NELL1: variants seen among roughly 807,000 people sequenced by gnomAD.
The protein encoded by NELL1 is neural EGFL like 1.
A neutral mutation model predicts 107.4 loss-of-function variants in NELL1; 76 were observed. The observed-to-expected ratio is 0.71, with a 90% confidence interval of 0.59 to 0.86. NELL1 has a LOEUF of 0.86. Among genes scored for constraint, NELL1 ranks in the 40% least tolerant of loss-of-function variants. The pLI, the probability that NELL1 is intolerant of heterozygous loss-of-function variation, is 0.00. For missense variants in NELL1, 1,024 were observed against 1,005.5 expected, an observed-to-expected ratio of 1.02 and a Z score of -0.25; for synonymous variants, 353 against 341.2, an observed-to-expected ratio of 1.03 and a Z score of -0.38.
chr11:21,523,835 T>C (rs1199780955), intron 15 of NELL1, among the ~76,000 whole-genome samples: 1 of 152,124 alleles, frequency 6.6e-6, no homozygotes, highest in Non-Finnish European at 1.5e-5. Context: ...CTCTTGGGGA[T>C]CACTTTCTTA....
intron 4 of NELL1, among the ~76,000 whole-genome samples, chr11:20,869,431 T>TAATGA (rs1193176934): frequency 2.6e-5 from 4 of 152,204 alleles, no homozygotes; most frequent in Non-Finnish European, 1.5e-5. Context: ...AACCTAGTAT[T>TAATGA]CAAAGTGCTG....
At position 20,852,620 on chromosome 11, in the gene NELL1, T is replaced by C. The variant is rs146326980; in HGVS notation, c.506+4867T>C. Among the ~76,000 whole-genome samples the C allele has an allele frequency of 9.7e-4, 147 of 152,312 alleles. 1 individual carries two copies. Among genetic ancestry groups the C allele is most frequent in the Middle Eastern group, 6.8e-3 (2 of 294 alleles). On this transcript the variant is annotated intron_variant, in intron 4 of 19. Coordinates refer to ENST00000357134, the MANE Select transcript of NELL1 (RefSeq NM_006157.5). The stretch of plus-strand genomic sequence containing the variant: ...TTATACAAGCATATCTGCTGTAGTA[T>C]GCGGAGGGAAATTAAGAGATGACTA...
At chr11:20,870,978 A>G (rs1372926752) in intron 4 of NELL1, among the ~76,000 whole-genome samples, 1 of 152,364 alleles carries the variant, frequency 6.6e-6, no homozygotes, top group East Asian at 1.9e-4. Context: ...AAACATTATT[A>G]AAAAACAATC....
At chr11:20,846,026 C>G (rs1470588621) in intron 3 of NELL1, among the ~76,000 whole-genome samples, 1 of 152,152 alleles carries the variant, frequency 6.6e-6, no homozygotes, top group African/African-American at 2.4e-5. Flanking sequence ...GGAGAATTCC[C>G]TTAAAATAAA....
intron 2 of NELL1, among the ~76,000 whole-genome samples, chr11:20,776,838 C>T (rs1376228496): frequency 6.6e-6 from 1 of 152,132 alleles, no homozygotes; most frequent in East Asian, 1.9e-4. Flanking sequence ...ATATCACAGT[C>T]GACTCTGCTG....
chr11:21,374,607 T>TA (rs775060024), intron 15 of NELL1, among the ~76,000 whole-genome samples: 35 of 151,978 alleles, frequency 2.3e-4, no homozygotes, highest in East Asian at 3.9e-4. Context: ...CACCACCTCT[T>TA]AAAAAAACGA....
At chr11:20,880,426 A>C (rs892014744) in intron 4 of NELL1, among the ~76,000 whole-genome samples, 5 of 152,254 alleles carry the variant, frequency 3.3e-5, no homozygotes, top group Non-Finnish European at 5.9e-5. Context: ...TACAGTTAAC[A>C]GTAATATCCT....
At chr11:21,524,390 G>T (rs1356022524) in intron 15 of NELL1, among the ~76,000 whole-genome samples, 1 of 152,096 alleles carries the variant, frequency 6.6e-6, no homozygotes, top group Admixed American at 6.5e-5. Flanking sequence ...TAGAGAAACT[G>T]TAAGAATCGT....
chr11:21,143,042 A>G (rs951005651), intron 13 of NELL1, among the ~76,000 whole-genome samples: 1 of 152,198 alleles, frequency 6.6e-6, no homozygotes, highest in African/African-American at 2.4e-5. Context: ...GGGCAACCCA[A>G]GTGGGATGTA....
In NELL1 at chr11:20,817,359, A is replaced by G. The variant is rs917208759; in HGVS notation, c.336-30224A>G. On this transcript the variant is annotated intron_variant, in intron 3 of 19. Transcript: ENST00000357134. ...AGGATTTCAATTTCTTCCTAATTCAATCCTGGGAAGTTGTGTGTATCCAGG... is the reference window on the plus strand; with the variant it reads ...AGGATTTCAATTTCTTCCTAATTCAGTCCTGGGAAGTTGTGTGTATCCAGG... Among the ~76,000 whole-genome samples, 12 of 152,056 alleles carry G rather than the reference A, an allele frequency of 7.9e-5. No individual in the cohort carries two copies. In the East Asian group the frequency reaches 1.4e-3, roughly 17 times the overall value.
At chr11:20,784,082 A>G (rs1373291399) in intron 3 of NELL1, among the ~76,000 whole-genome samples, 1 of 152,238 alleles carries the variant, frequency 6.6e-6, no homozygotes, top group Non-Finnish European at 1.5e-5. Context: ...ATAAAATCAC[A>G]TTCTGTCATA....
chr11:21,284,505 G>T (rs745340438), intron 14 of NELL1: 1 of 459,646 alleles, frequency 2.2e-6, no homozygotes, highest in Non-Finnish European at 4.4e-6. Flanking sequence ...GGGGGAGGTG[G>T]CATCCCGCTA....
At chr11:21,544,685 C>G (rs1037696552) in intron 16 of NELL1, among the ~76,000 whole-genome samples, 4 of 151,870 alleles carry the variant, frequency 2.6e-5, no homozygotes, top group African/African-American at 7.2e-5. Flanking sequence ...GGACAAAGAG[C>G]CTGTACTTTA....
intron 15 of NELL1, among the ~76,000 whole-genome samples, chr11:21,401,659 A>G (rs1852100119): frequency 6.6e-6 from 1 of 151,726 alleles, no homozygotes; most frequent in Admixed American, 6.6e-5. Context: ...ATGGTTAGAG[A>G]AAGTAAGGCA....
chr11:21,457,224 G>A (rs901346462), intron 15 of NELL1, among the ~76,000 whole-genome samples: 4 of 152,070 alleles, frequency 2.6e-5, no homozygotes, highest in Non-Finnish European at 5.9e-5. Flanking sequence ...ATAGTTCTTG[G>A]CTGGGTGGGT....
chr11:21,175,789 C>T (rs559579811), intron 13 of NELL1, among the ~76,000 whole-genome samples: 1 of 151,932 alleles, frequency 6.6e-6, no homozygotes, highest in East Asian at 1.9e-4. Context: ...ATTTTGGAGC[C>T]TAATTTTAAA....
At chr11:21,100,319 C>T (rs1223467168) in intron 12 of NELL1, among the ~76,000 whole-genome samples, 1 of 152,168 alleles carries the variant, frequency 6.6e-6, no homozygotes, top group East Asian at 1.9e-4. Context: ...TGCTCGGCCT[C>T]CATTTTAGCC....
chr11:21,432,816 G>A (rs1853000083), intron 15 of NELL1, among the ~76,000 whole-genome samples: 1 of 152,064 alleles, frequency 6.6e-6, no homozygotes, highest in Non-Finnish European at 1.5e-5. Flanking sequence ...TCAAATCAGG[G>A]TAATTAGCAT....
intron 15 of NELL1, 145 bp downstream of exon 15, chr11:21,371,093 T>C (rs910617407): frequency 3.3e-6 from 2 of 608,278 alleles, no homozygotes; most frequent in South Asian, 4.6e-5. Flanking sequence ...TCTCCCAAAG[T>C]GGGTACCTTG....
Sources: allele counts gnomAD v4.1 joint callset (sites outside exome capture counted in the v4.1 genomes callset), GRCh38; gene constraint gnomAD v4.1.1; transcripts MANE v1.5; gene names NCBI Gene and HGNC (gene_info 2026-07-23, HGNC 2026-07-21).